The following HEG1 variants were observed in gnomAD, a reference collection of about 807,000 sequenced individuals.
HEG1 encodes heart development protein with EGF like domains 1, also known as protein HEG homolog 1.
Under a neutral mutation model 125.6 loss-of-function variants are expected in HEG1, and 56 were observed. That is an observed-to-expected ratio of 0.45 (90% CI 0.36 to 0.56). The LOEUF (loss-of-function observed/expected upper bound fraction) is 0.56. Among genes scored for constraint, HEG1 ranks in the 20% least tolerant of loss-of-function variants. The pLI is 0.00. For synonymous variants in HEG1, 644 were observed against 668.5 expected, an observed-to-expected ratio of 0.96 and a Z score of 0.57; for missense variants, 1,523 against 1,670.0, an observed-to-expected ratio of 0.91 and a Z score of 1.53.
chr3:125,012,682 G>A lies in HEG1; in HGVS notation c.2897C>T (p.Ala966Val), dbSNP rs1449817286. 3.7e-6 allele frequency: 6 copies of A among 1,613,912 alleles called. No individual in the cohort carries two copies. The highest frequency in any genetic ancestry group is 5.1e-6 in the Non-Finnish European group (6 of 1,179,860). The change falls in exon 6 of 17, where the codon GCC becomes GTC. Residue 966 changes from alanine to valine, a missense_variant. Physicochemically the swap from Ala to Val is moderately conservative, Grantham distance 64 (BLOSUM62 0). Transcript: ENST00000311127. ...TGTGCTGCTCTGAACAGCAAAGGTG[G>A]CAGATTTGGGAGCCAAGTCTTCAGC... is the stretch of plus-strand genomic sequence containing the variant. ...STAEDLAPKS[A>V]TFAVQSSTQS...
At chr3:125,017,453 C>G (rs1014993698) in intron 5 of HEG1, among the ~76,000 whole-genome samples, 3 of 152,132 alleles carry the variant, frequency 2.0e-5, no homozygotes, top group South Asian at 4.1e-4. Context: ...ATACAAGTGG[C>G]CAATAAGCAC....
intron 16 of HEG1, among the ~76,000 whole-genome samples, chr3:124,972,451 T>C (rs1451898428): frequency 3.3e-5 from 5 of 152,244 alleles, no homozygotes. Context: ...TTATAACTTT[T>C]TGTTCTTCCT....
Position 125,046,693 on chromosome 3 carries a change from G to A in HEG1, c.316+8882C>T, listed in dbSNP as rs558143893. Among the ~76,000 whole-genome samples, 21 of 152,278 alleles carry A rather than the reference G, an allele frequency of 1.4e-4. No homozygotes were observed. In the South Asian group the frequency reaches 4.4e-3, roughly 32 times the overall value. ...TTTGGAAACACAAAACTTCAAAGAC[G>A]ATCTGATGAAAGATGCAGTAGATAG... On this transcript the variant is annotated intron_variant, in intron 1 of 16. Coordinates refer to ENST00000311127, the MANE Select transcript of HEG1 (RefSeq NM_020733.2).
intron 5 of HEG1, among the ~76,000 whole-genome samples, chr3:125,015,418 T>C (rs1293823371): frequency 6.6e-6 from 1 of 152,216 alleles, no homozygotes; most frequent in Non-Finnish European, 1.5e-5. Flanking sequence ...ATAGTCCTCC[T>C]TGGAAGGCTC....
At chr3:125,036,222 A>AAAAAAAAAAAAG (rs956038754) in intron 1 of HEG1, among the ~76,000 whole-genome samples, 2 of 150,314 alleles carry the variant, frequency 1.3e-5, no homozygotes, top group African/African-American at 4.9e-5. Flanking sequence ...AAAAAAAAAA[A>AAAAAAAAAAAAG]AAAAGAAAAG....
At chr3:125,046,136 C>T (rs1037603543) in intron 1 of HEG1, among the ~76,000 whole-genome samples, 1 of 151,998 alleles carries the variant, frequency 6.6e-6, no homozygotes, top group East Asian at 1.9e-4. Context: ...CTCCAACCCC[C>T]GCCAGAGCTC....
chr3:125,047,553 G>T (rs1579440737), intron 1 of HEG1, among the ~76,000 whole-genome samples: 1 of 152,108 alleles, frequency 6.6e-6, no homozygotes, highest in Admixed American at 6.5e-5. Flanking sequence ...TGCAACACCA[G>T]CAGGGCTCTC....
At position 125,020,972 on chromosome 3, in the gene HEG1, C is replaced by A. The variant is rs2107704078; in HGVS notation, c.1072G>T (p.Gly358Cys). The A allele has an allele frequency of 1.2e-6, 2 of 1,613,920 alleles. No individual in the cohort carries two copies. Among genetic ancestry groups the A allele is most frequent in the East Asian group, 2.2e-5 (1 of 44,870 alleles). ...GCAATTCTGGAGTCCTTGGGGAAGC[C>A]TTCTGTCTTGCTCACAGGTCCCAGA... ...VSLGPVSKTE[G>C]FPKDSRIATT... The change falls in exon 4 of 17, where the codon GGC becomes TGC. Residue 358 changes from glycine to cysteine, a missense_variant. Gly to Cys is a radical substitution (Grantham distance 159, BLOSUM62 -3). Coordinates refer to ENST00000311127, the MANE Select transcript of HEG1 (RefSeq NM_020733.2).
At chr3:125,014,813 C>T (rs527839365) in intron 5 of HEG1, 229 of 1,289,838 alleles carry the variant, frequency 1.8e-4, no homozygotes, top group African/African-American at 6.5e-4. Context: ...GGTGCATGGC[C>T]GCTGCAGGGC....
At chr3:124,996,359 T>A (rs1157612758) in intron 12 of HEG1, among the ~76,000 whole-genome samples, 4 of 152,106 alleles carry the variant, frequency 2.6e-5, no homozygotes, top group South Asian at 2.1e-4. Flanking sequence ...GCTGAAATTA[T>A]AGGCGTGAGT....
chr3:124,988,178 C>T (rs76935261), intron 14 of HEG1, among the ~76,000 whole-genome samples: 19 of 151,752 alleles, frequency 1.3e-4, no homozygotes, highest in Admixed American at 2.6e-4. Context: ...GAGATTCACA[C>T]GAAAAAGTGA....
intron 5 of HEG1, among the ~76,000 whole-genome samples, chr3:125,016,065 C>A (rs1012652730): frequency 6.6e-6 from 1 of 152,132 alleles, no homozygotes; most frequent in South Asian, 2.1e-4. Flanking sequence ...CCAGGAGAGG[C>A]GCAAGAGCAG....
chr3:125,051,344 G>A (rs867778672), intron 1 of HEG1, among the ~76,000 whole-genome samples: 2 of 150,606 alleles, frequency 1.3e-5, no homozygotes, highest in South Asian at 4.2e-4. Context: ...GAGGGAGGAA[G>A]ACGAATGATG....
rs1937006245 is a variant in HEG1, at chr3:125,001,936, C to T, written c.3433G>A (p.Asp1145Asn). ...GAGTTGACACATTTCTGCATCCTAT[C>T]AGCCAGGTCAAATAGCGTCACATTG... ...ASNVTLFDLA[D>N]RMQKCVNSCK... The change falls in exon 11 of 17, where the codon GAT becomes AAT. Residue 1145 changes from aspartate (D) to asparagine (N), a missense_variant. Asp to Asn is a conservative substitution (Grantham distance 23). Coordinates refer to ENST00000311127, the MANE Select transcript of HEG1 (RefSeq NM_020733.2). 1 of 1,614,032 alleles carries T rather than the reference C, an allele frequency of 6.2e-7. No individual in the cohort carries two copies. The highest frequency in any genetic ancestry group is 8.5e-7 in the Non-Finnish European group (1 of 1,179,884).
At chr3:125,047,930 T>C (rs1294967466) in intron 1 of HEG1, among the ~76,000 whole-genome samples, 1 of 152,222 alleles carries the variant, frequency 6.6e-6, no homozygotes, top group Non-Finnish European at 1.5e-5. Flanking sequence ...CCTATCTTCA[T>C]TTCCCAGCCT....
At chr3:124,996,438 T>C (rs1936925345) in intron 12 of HEG1, among the ~76,000 whole-genome samples, 1 of 152,094 alleles carries the variant, frequency 6.6e-6, no homozygotes, top group Admixed American at 6.5e-5. Flanking sequence ...GCAGATAAGA[T>C]GGCATGAGGA....
chr3:124,970,529 CT>C lies in HEG1; in HGVS notation c.*122del, dbSNP rs1467313214. 3.7e-6 allele frequency: 3 copies of C among 810,590 alleles called. No homozygotes were observed. Among genetic ancestry groups the C allele is most frequent in the Non-Finnish European group, 5.8e-6 (3 of 517,108 alleles). 50.2% of individuals were successfully genotyped at this position (810,590 alleles called of 1,614,324 possible). A position where few individuals can be genotyped will look rare whatever the true frequency, so the allele number is the denominator to read the frequency against. The stretch of plus-strand genomic sequence containing the variant: ...GTGGTCACGCCCCGCATGCCTGTCC[CT>C]CTTCCTGCTTGCCACTCAGCGTGGC... On this transcript the variant is annotated 3_prime_UTR_variant, in exon 17 of 17. Coordinates refer to ENST00000311127, the MANE Select transcript of HEG1 (RefSeq NM_020733.2).
intron 15 of HEG1, among the ~76,000 whole-genome samples, chr3:124,975,296 A>G (rs1177570446): frequency 6.6e-6 from 1 of 152,170 alleles, no homozygotes; most frequent in Non-Finnish European, 1.5e-5. Flanking sequence ...CATCTGTTAC[A>G]TCTAGATAAT....
chr3:124,976,594 C>T (rs554842541), intron 15 of HEG1, among the ~76,000 whole-genome samples: 3 of 151,726 alleles, frequency 2.0e-5, no homozygotes, highest in Admixed American at 6.6e-5. Context: ...TGTTGACCAT[C>T]TTTTCGTGTG....
Sources: allele counts gnomAD v4.1 joint callset (sites outside exome capture counted in the v4.1 genomes callset), GRCh38; gene constraint gnomAD v4.1.1; transcripts MANE v1.5; gene names NCBI Gene and HGNC (gene_info 2026-07-23, HGNC 2026-07-21).